ERC2: variants seen among roughly 807,000 people sequenced by gnomAD.
The protein encoded by ERC2 is ERC protein 2.
In ERC2, 42 loss-of-function variants were observed where a neutral mutation model predicts 114.8. That is an observed-to-expected ratio of 0.37 (90% CI 0.29 to 0.47). The LOEUF is 0.47. ERC2 is among the 20% of genes least tolerant of loss of function. ERC2 has a pLI of 0.99. For synonymous variants in ERC2, 454 were observed against 425.5 expected (o/e 1.07, Z -0.82); for missense variants, 939 against 1,150.7 (o/e 0.82, Z 2.66).
At chr3:55,997,900 TTTTTTTTG>T (rs1559996496) in intron 10 of ERC2, among the ~76,000 whole-genome samples, 9 of 53,280 alleles carry the variant, frequency 1.7e-4, no homozygotes, top group Non-Finnish European at 3.1e-4. Context: ...TTTTTTTTTT[TTTTTTTTG>T]TGTGTGTGTG....
intron 2 of ERC2, among the ~76,000 whole-genome samples, chr3:56,383,180 C>T (rs193093776): frequency 6.6e-6 from 1 of 152,254 alleles, no homozygotes; most frequent in Admixed American, 6.5e-5. Flanking sequence ...TGTCTCCAGT[C>T]TTCCTGCTTC....
intron 2 of ERC2, among the ~76,000 whole-genome samples, chr3:56,429,387 C>T (rs1489107375): frequency 6.6e-6 from 1 of 152,172 alleles, no homozygotes; most frequent in Non-Finnish European, 1.5e-5. Context: ...CCTCATCCCT[C>T]CCCCAACTGT....
In ERC2 at chr3:56,267,315, C is replaced by T. The variant is rs983120370; in HGVS notation, c.1074+28704G>A. 5.9e-5 allele frequency among the ~76,000 whole-genome samples: 9 copies of T among 152,188 alleles called. No individual in the cohort carries two copies. The East Asian group carries it at 1.7e-3, about 29-fold the overall frequency. ...AAGGAGATCCTGCTATTTGGGTCAACGTGGGTGAAGCTATAAGACATTATG... is the reference window on the plus strand; with the variant it reads ...AAGGAGATCCTGCTATTTGGGTCAATGTGGGTGAAGCTATAAGACATTATG... On this transcript the variant is annotated intron_variant, in intron 3 of 17. Transcript: ENST00000288221.
At chr3:55,892,073 T>G (rs79618172) in intron 13 of ERC2, among the ~76,000 whole-genome samples, 3,054 of 152,324 alleles carry the variant, frequency 0.02, 100 homozygotes, top group African/African-American at 0.07. Flanking sequence ...CTCATCCATA[T>G]TTACCTCAAC....
At chr3:55,703,824 G>T (rs2063349594) in intron 15 of ERC2, among the ~76,000 whole-genome samples, 1 of 152,172 alleles carries the variant, frequency 6.6e-6, no homozygotes, top group Non-Finnish European at 1.5e-5. Flanking sequence ...TTTGTTTGTT[G>T]TAATTCTTGG....
At chr3:56,029,352 A>G (rs1000326048) in intron 7 of ERC2, among the ~76,000 whole-genome samples, 1 of 151,894 alleles carries the variant, frequency 6.6e-6, no homozygotes, top group African/African-American at 2.4e-5. Context: ...ATCATAAATT[A>G]GTAGGAAAGT....
intron 17 of ERC2, among the ~76,000 whole-genome samples, chr3:55,543,769 G>C (rs1392607748): frequency 6.6e-6 from 1 of 152,114 alleles, no homozygotes; most frequent in Non-Finnish European, 1.5e-5. Context: ...GTCTCTGTGT[G>C]CCATTTGCTT....
At chr3:56,231,734 C>T (rs1426051576) in intron 3 of ERC2, among the ~76,000 whole-genome samples, 1 of 152,132 alleles carries the variant, frequency 6.6e-6, no homozygotes, top group Non-Finnish European at 1.5e-5. Context: ...AGCAGCTAAG[C>T]ACTACCGTCA....
At chr3:55,981,498 AG>A (rs1431500058) in intron 12 of ERC2, among the ~76,000 whole-genome samples, 5 of 152,148 alleles carry the variant, frequency 3.3e-5, no homozygotes, top group African/African-American at 1.2e-4. Context: ...GAATTTGGTG[AG>A]GGGAGGGATC....
At chr3:56,359,948 C>T (rs2058885692) in intron 2 of ERC2, among the ~76,000 whole-genome samples, 1 of 152,078 alleles carries the variant, frequency 6.6e-6, no homozygotes, top group Admixed American at 6.5e-5. Context: ...CCCCTTAGGC[C>T]CCACCTTCAA....
At chr3:55,894,081 C>G (rs1371620442) in intron 13 of ERC2, among the ~76,000 whole-genome samples, 1 of 152,032 alleles carries the variant, frequency 6.6e-6, no homozygotes, top group East Asian at 1.9e-4. Context: ...AATTCAGGAG[C>G]TAGACTGCCA....
chr3:56,431,608 T>C (rs1368426814), intron 2 of ERC2, among the ~76,000 whole-genome samples: 1 of 152,164 alleles, frequency 6.6e-6, no homozygotes, highest in Non-Finnish European at 1.5e-5. Flanking sequence ...ACTTACCCTA[T>C]CCTGACCAAC....
At chr3:56,140,500 G>C (rs1189174675) in intron 5 of ERC2, among the ~76,000 whole-genome samples, 1 of 151,918 alleles carries the variant, frequency 6.6e-6, no homozygotes, top group African/African-American at 2.4e-5. Context: ...GTTGTACATA[G>C]AGTTCATTCA....
chr3:55,715,896 C>A (rs1014046776), intron 15 of ERC2, among the ~76,000 whole-genome samples: 1 of 152,132 alleles, frequency 6.6e-6, no homozygotes, highest in Non-Finnish European at 1.5e-5. Flanking sequence ...TTATTTTACT[C>A]TTGGAGTGGT....
intron 3 of ERC2, among the ~76,000 whole-genome samples, chr3:56,295,285 C>T (rs1254865372): frequency 6.6e-6 from 1 of 152,198 alleles, no homozygotes; most frequent in Admixed American, 6.5e-5. Flanking sequence ...TCCATATCCA[C>T]CACAGTGGCA....
intron 14 of ERC2, among the ~76,000 whole-genome samples, chr3:55,778,994 A>T (rs1476726466): frequency 6.6e-6 from 1 of 152,146 alleles, no homozygotes; most frequent in South Asian, 2.1e-4. Flanking sequence ...GATGAAATGG[A>T]CAATACTCTA....
chr3:55,601,980 C>G (rs951267781), intron 17 of ERC2, among the ~76,000 whole-genome samples: 1 of 152,214 alleles, frequency 6.6e-6, no homozygotes, highest in Non-Finnish European at 1.5e-5. Context: ...TGTGTTTTGG[C>G]TGCACAGTGA....
chr3:56,349,821 G>C (rs930603295), intron 2 of ERC2, among the ~76,000 whole-genome samples: 4 of 151,784 alleles, frequency 2.6e-5, no homozygotes, highest in Non-Finnish European at 5.9e-5. Context: ...GCTGAGGCAG[G>C]AGAATCGCTT....
intron 14 of ERC2, among the ~76,000 whole-genome samples, chr3:55,786,114 T>G (rs1326247162): frequency 6.6e-6 from 1 of 152,232 alleles, no homozygotes; most frequent in Non-Finnish European, 1.5e-5. Flanking sequence ...ACACATAGCT[T>G]GCAATATGCC....
Sources: allele counts gnomAD v4.1 joint callset (sites outside exome capture counted in the v4.1 genomes callset), GRCh38; gene constraint gnomAD v4.1.1; transcripts MANE v1.5; gene names NCBI Gene and HGNC (gene_info 2026-07-23, HGNC 2026-07-21).